ADK: variants seen among roughly 807,000 people sequenced by gnomAD.
The protein encoded by ADK is N6,N6-dimethyladenosine kinase.
A neutral mutation model predicts 44.7 loss-of-function variants in ADK; 24 were observed. That is an observed-to-expected ratio of 0.54 (90% CI 0.39 to 0.76). The LOEUF (loss-of-function observed/expected upper bound fraction) is 0.76. ADK is among the 30% of genes least tolerant of loss of function. The probability of loss-of-function intolerance (pLI) is 0.00; values close to 1 mark genes in which losing one functional copy is unlikely to be tolerated. For missense variants in ADK, 321 were observed against 425.1 expected (o/e 0.76, Z 2.15); for synonymous variants, 128 against 142.6 (o/e 0.90, Z 0.73).
chr10:74,190,921 C>T (rs1431421132), intron 1 of ADK, among the ~76,000 whole-genome samples: 1 of 151,728 alleles, frequency 6.6e-6, no homozygotes, highest in Admixed American at 6.6e-5. Flanking sequence ...AATAAATGCT[C>T]CTTGGATTGT....
chr10:74,168,793 A>G (rs1188613581), intron 1 of ADK, among the ~76,000 whole-genome samples: 5 of 151,772 alleles, frequency 3.3e-5, no homozygotes, highest in African/African-American at 1.2e-4. Flanking sequence ...GTGTATTTTT[A>G]GTAGTGATGG....
rs576495354 is a variant in ADK at position 74,612,698 on chromosome 10, T to C, written c.877+12205T>C. Among the ~76,000 whole-genome samples, 31 of 152,324 alleles carry C rather than the reference T, an allele frequency of 2.0e-4. 1 individual carries two copies. In the South Asian group the frequency reaches 6.0e-3, roughly 30 times the overall value. On this transcript the variant is annotated intron_variant, in intron 9 of 10. Transcript: ENST00000539909. ...TTTGAGGTCTTAGTCATAAATTCTTTGCCTAGGCCTATGTGCAGAATAGTT... is the reference window on the plus strand; with the variant it reads ...TTTGAGGTCTTAGTCATAAATTCTTCGCCTAGGCCTATGTGCAGAATAGTT...
intron 10 of ADK, among the ~76,000 whole-genome samples, chr10:74,677,184 G>T (rs1407735558): frequency 2.0e-5 from 3 of 152,248 alleles, no homozygotes; most frequent in Admixed American, 6.5e-5. Context: ...GGTCGAAGCT[G>T]CAGTGAGCTG....
intron 3 of ADK, among the ~76,000 whole-genome samples, chr10:74,285,041 A>G (rs1167994804): frequency 1.3e-5 from 2 of 152,220 alleles, no homozygotes; most frequent in South Asian, 2.1e-4. Flanking sequence ...CACTTCATGT[A>G]TTTATCCTTA....
chr10:74,292,774 G>A (rs190841064), intron 3 of ADK, among the ~76,000 whole-genome samples: 3 of 151,902 alleles, frequency 2.0e-5, no homozygotes, highest in Admixed American at 2.0e-4. Flanking sequence ...CATCTAAATC[G>A]CTAAAGTCAT....
At chr10:74,293,573 T>C (rs1336386196) in intron 3 of ADK, among the ~76,000 whole-genome samples, 2 of 152,188 alleles carry the variant, frequency 1.3e-5, no homozygotes, top group African/African-American at 4.8e-5. Context: ...TGGGGTACTA[T>C]ATAGAGCTTT....
At chr10:74,153,372 A>T (rs1305252909) in intron 1 of ADK, among the ~76,000 whole-genome samples, 1 of 152,222 alleles carries the variant, frequency 6.6e-6, no homozygotes, top group East Asian at 1.9e-4. Flanking sequence ...CAACCCCCAC[A>T]ACAAAGAATT....
chr10:74,410,561 G>A (rs140730120), intron 6 of ADK, among the ~76,000 whole-genome samples: 3 of 151,926 alleles, frequency 2.0e-5, no homozygotes, highest in African/African-American at 7.3e-5. Context: ...GCATTCCTTA[G>A]TCCCAGCTGC....
chr10:74,655,503 CAG>C, intron 9 of ADK: 1 of 489,734 alleles, frequency 2.0e-6, no homozygotes, highest in East Asian at 5.4e-5. Flanking sequence ...CTGGCTCACT[CAG>C]GGTGGCTTTT....
chr10:74,453,976 A>G (rs1005556175), intron 6 of ADK, among the ~76,000 whole-genome samples: 14 of 152,190 alleles, frequency 9.2e-5, no homozygotes, highest in African/African-American at 2.9e-4. Flanking sequence ...TTGCAGTTTC[A>G]TTAACATCTT....
intron 1 of ADK, among the ~76,000 whole-genome samples, chr10:74,157,902 A>G (rs1841797575): frequency 6.6e-6 from 1 of 152,176 alleles, no homozygotes; most frequent in South Asian, 2.1e-4. Flanking sequence ...GAGAGGCACC[A>G]ACTTACATCT....
intron 6 of ADK, among the ~76,000 whole-genome samples, chr10:74,451,124 GA>G (rs1279225605): frequency 1.2e-5 from 1 of 82,560 alleles, no homozygotes; most frequent in African/African-American, 4.7e-5. Flanking sequence ...GAGATTCTAT[GA>G]AAAAAATAAA....
Position 74,517,111 on chromosome 10 carries a change from T to G in ADK, c.556-8145T>G, listed in dbSNP as rs571761089. Among the ~76,000 whole-genome samples, 13 of 152,190 alleles carry G rather than the reference T, an allele frequency of 8.5e-5. No individual in the cohort carries two copies. The East Asian group carries it at 9.7e-4, about 11-fold the overall frequency. The stretch of plus-strand genomic sequence containing the variant: ...TCTCCCACAACACGTGGGAGCACAA[T>G]TAAAGATGAGATTTGGGTGGGAACA... On this transcript the variant is annotated intron_variant, in intron 6 of 10. Coordinates refer to ENST00000539909, the MANE Select transcript of ADK (RefSeq NM_006721.4).
chr10:74,348,690 A>G (rs1164353830), intron 4 of ADK, among the ~76,000 whole-genome samples: 1 of 151,868 alleles, frequency 6.6e-6, no homozygotes, highest in African/African-American at 2.4e-5. Flanking sequence ...ACTGCTAACT[A>G]GAATAACCAG....
At chr10:74,598,546 T>C (rs1451874491) in intron 8 of ADK, among the ~76,000 whole-genome samples, 1 of 147,296 alleles carries the variant, frequency 6.8e-6, no homozygotes, top group Non-Finnish European at 1.5e-5. Flanking sequence ...GCCTCCTGGG[T>C]TCAAGCGATT....
At chr10:74,511,277 T>C (rs1848311618) in intron 6 of ADK, among the ~76,000 whole-genome samples, 1 of 152,212 alleles carries the variant, frequency 6.6e-6, no homozygotes, top group African/African-American at 2.4e-5. Flanking sequence ...TTGTGATATA[T>C]TTTGAGGTCT....
intron 4 of ADK, among the ~76,000 whole-genome samples, chr10:74,316,447 T>A (rs1441359224): frequency 2.0e-5 from 3 of 152,018 alleles, no homozygotes; most frequent in Non-Finnish European, 4.4e-5. Context: ...GGTAATTGAG[T>A]CATGGGTGCA....
At chr10:74,426,591 C>T (rs1000178109) in intron 6 of ADK, among the ~76,000 whole-genome samples, 2 of 152,010 alleles carry the variant, frequency 1.3e-5, no homozygotes, top group Non-Finnish European at 2.9e-5. Context: ...AAATTAGTTA[C>T]AAGAGGTAGA....
rs75343685 is a variant in ADK at position 74,577,972 on chromosome 10, G to C, written c.727-11310G>C. ...CCATTTTGTTTTTACTTTTTTTCAAGAGTGAATTTTGTAAAACTTCCAGAG... is the reference window on the plus strand; with the variant it reads ...CCATTTTGTTTTTACTTTTTTTCAACAGTGAATTTTGTAAAACTTCCAGAG... On this transcript the variant is annotated intron_variant, in intron 7 of 10. Coordinates refer to ENST00000539909, the MANE Select transcript of ADK (RefSeq NM_006721.4). Among the ~76,000 whole-genome samples the C allele has an allele frequency of 9.4e-3, 1,428 of 152,072 alleles. 24 individuals carry two copies. Among genetic ancestry groups the C allele is most frequent in the African/African-American group, 0.033 (1,354 of 41,490 alleles).
Sources: gnomAD v4.1 joint callset for allele counts (sites outside exome capture counted in the v4.1 genomes callset) on GRCh38, gnomAD v4.1.1 for gene constraint, MANE v1.5 for transcripts, NCBI Gene and HGNC (gene_info 2026-07-23, HGNC 2026-07-21) for gene names.